CLGN: variants seen among roughly 807,000 people sequenced by gnomAD.
CLGN encodes the protein testis tissue sperm-binding protein Li 79P.
CLGN carries 62 observed loss-of-function variants against 79.1 expected under a neutral mutation model. The observed-to-expected ratio is 0.78, with a 90% CI of 0.64 to 0.97. CLGN has a LOEUF of 0.97. CLGN is among the 50% of genes least tolerant of loss of function. The pLI is 0.00. For synonymous variants in CLGN, 225 were observed against 224.7 expected (o/e 1.00, Z -0.01); for missense variants, 647 against 715.5 (o/e 0.90, Z 1.09).
intron 5 of CLGN, among the ~76,000 whole-genome samples, chr4:140,405,183 T>TTTTTTA (rs1729079102): frequency 1.1e-5 from 1 of 91,490 alleles, no homozygotes; most frequent in Non-Finnish European, 2.9e-5. Flanking sequence ...ATTTTTATTT[T>TTTTTTA]TTTTTTTATT....
At chr4:140,392,506 T>G in intron 12 of CLGN, 80 bp downstream of exon 12, 1 of 1,505,290 alleles carries the variant, frequency 6.6e-7, no homozygotes, top group Non-Finnish European at 8.9e-7. Flanking sequence ...TTATTACTTT[T>G]AAGAATCGCT....
intron 4 of CLGN, among the ~76,000 whole-genome samples, chr4:140,408,832 T>C (rs989758598): frequency 2.0e-5 from 3 of 149,738 alleles, no homozygotes; most frequent in Non-Finnish European, 4.5e-5. Context: ...TCTGTGCATA[T>C]GGTGGTGTCC....
At chr4:140,422,858 CTGGCTACCT>C (rs1560749862) in intron 1 of CLGN, among the ~76,000 whole-genome samples, 1 of 152,142 alleles carries the variant, frequency 6.6e-6, no homozygotes, top group Non-Finnish European at 1.5e-5. Flanking sequence ...CTCAACTGAT[CTGGCTACCT>C]TGGCCTCCAA....
At chr4:140,400,244 G>C (rs1728972666) in intron 7 of CLGN, 113 bp downstream of exon 7, 2 of 699,780 alleles carry the variant, frequency 2.9e-6, no homozygotes, top group Non-Finnish European at 4.8e-6. Flanking sequence ...TTCTGAAAAA[G>C]ATAAGCTCCT....
chr4:140,405,431 G>T (rs917459019), intron 5 of CLGN, among the ~76,000 whole-genome samples: 13 of 150,866 alleles, frequency 8.6e-5, no homozygotes, highest in African/African-American at 2.9e-4. Context: ...TGATCTGCCC[G>T]CCTCGGCCTC....
chr4:140,413,100 A>T lies in CLGN; in HGVS notation c.-9-13T>A, dbSNP rs781590185. 1.9e-6 allele frequency: 3 copies of T among 1,596,544 alleles called. No homozygotes were observed. Among genetic ancestry groups the T allele is most frequent in the Non-Finnish European group, 2.6e-6 (3 of 1,172,986 alleles). The stretch of plus-strand genomic sequence containing the variant: ...GCATATTGATTATCTGTGAAATTAA[A>T]AGTAATTAGTGAAAATAAAACAAAA... On this transcript the variant is annotated splice_polypyrimidine_tract_variant and intron_variant, in intron 1 of 14. Transcript: ENST00000325617.
intron 5 of CLGN, among the ~76,000 whole-genome samples, chr4:140,405,681 T>A (rs1428637063): frequency 6.6e-6 from 1 of 152,204 alleles, no homozygotes; most frequent in Non-Finnish European, 1.5e-5. Flanking sequence ...ATAGCCCACA[T>A]ACAACTCCTT....
intron 1 of CLGN, among the ~76,000 whole-genome samples, chr4:140,415,335 A>G (rs1241964902): frequency 1.3e-5 from 2 of 150,904 alleles, no homozygotes; most frequent in African/African-American, 4.8e-5. Context: ...GACAGGATCA[A>G]ATTCACACAT....
At chr4:140,416,721 C>G (rs1254676918) in intron 1 of CLGN, among the ~76,000 whole-genome samples, 2 of 151,886 alleles carry the variant, frequency 1.3e-5, no homozygotes, top group African/African-American at 4.8e-5. Flanking sequence ...GCTTACCAAC[C>G]AAAAAGAGTC....
chr4:140,391,980 C>T (rs1238301234), intron 13 of CLGN, among the ~76,000 whole-genome samples: 4 of 151,872 alleles, frequency 2.6e-5, no homozygotes, highest in African/African-American at 7.2e-5. Context: ...TCATTAACTG[C>T]TAGGCTCTCA....
chr4:140,404,955 G>A (rs1729072125), intron 5 of CLGN, among the ~76,000 whole-genome samples: 1 of 151,984 alleles, frequency 6.6e-6, no homozygotes, highest in Non-Finnish European at 1.5e-5. Context: ...GAGGCACCAT[G>A]CCAGGCATGG....
chr4:140,389,095 G>T lies in CLGN; in HGVS notation c.*129C>A. On this transcript the variant is annotated 3_prime_UTR_variant, in exon 15 of 15. Transcript: ENST00000325617. ...TCTGAAATGAAGGACTAAAATAAATGTCTGAAAGAATATAATGTTGCTAGA... is the reference window on the plus strand; with the variant it reads ...TCTGAAATGAAGGACTAAAATAAATTTCTGAAAGAATATAATGTTGCTAGA... 1 of 676,686 alleles carries T rather than the reference G, an allele frequency of 1.5e-6. No individual in the cohort carries two copies. The highest frequency in any genetic ancestry group is 2.1e-5 in the South Asian group (1 of 48,510). 41.9% of individuals were successfully genotyped at this position (676,686 alleles called of 1,614,324 possible).
chr4:140,392,324 T>C lies in CLGN; in HGVS notation c.1546A>G (p.Lys516Glu), dbSNP rs1728789224. Residue 516 changes from lysine to glutamate, a missense_variant, in exon 13 of 15, where the codon AAA becomes GAA. Coordinates refer to ENST00000325617, the MANE Select transcript of CLGN (RefSeq NM_004362.3). ...TTTTCTTCTTGCTCTAGTACTCCTTTTGTTTGTGGTATACATATGTCGGTT... is the reference window on the plus strand; with the variant it reads ...TTTTCTTCTTGCTCTAGTACTCCTTCTGTTTGTGGTATACATATGTCGGTT... ...KKTDICIPQTKGVLEQEEKEE... is the reference protein window; with the variant it reads ...KKTDICIPQTEGVLEQEEKEE... 1 of 1,613,230 alleles carries C rather than the reference T, an allele frequency of 6.2e-7. No individual in the cohort carries two copies. Among genetic ancestry groups the C allele is most frequent in the Non-Finnish European group, 8.5e-7 (1 of 1,179,498 alleles).
rs1336659683 is a variant in CLGN, at chr4:140,395,879, T to G, written c.1089A>C (p.Ile363=). ...ATACTCCTTTGTATTTTGGGTTATC[T>G]ATCATGGGAGGTTTCCACTCACCAC... The part of the protein sequence containing the change: ...IGCGEWKPPM[I]DNPKYKGVWR... The change falls in exon 10 of 15, where the codon ATA becomes ATC. Residue 363 remains isoleucine (I), a synonymous_variant. Transcript: ENST00000325617. 3 of 1,595,768 alleles carry G rather than the reference T, an allele frequency of 1.9e-6. No homozygotes were observed. The highest frequency in any genetic ancestry group is 1.7e-6 in the Non-Finnish European group (2 of 1,174,164).
At chr4:140,390,517 A>T (rs1008381441) in intron 14 of CLGN, 111 bp downstream of exon 14, 4 of 594,812 alleles carry the variant, frequency 6.7e-6, no homozygotes, top group Non-Finnish European at 1.1e-5. Context: ...GCTCTTATAA[A>T]AGCTGAGAGA....
At chr4:140,396,874 CATATATATAT>C (rs759900454) in intron 8 of CLGN, among the ~76,000 whole-genome samples, 2 of 109,540 alleles carry the variant, frequency 1.8e-5, no homozygotes, top group Non-Finnish European at 3.5e-5. Context: ...TATATATATA[CATATATATAT>C]ATATATGTAT....
intron 6 of CLGN, among the ~76,000 whole-genome samples, chr4:140,401,440 T>C (rs941926563): frequency 2.0e-5 from 3 of 152,198 alleles, no homozygotes; most frequent in Non-Finnish European, 2.9e-5. Context: ...ATCTATCGTA[T>C]TTCTGTTATA....
At position 140,393,932 on chromosome 4, in the gene CLGN, G is replaced by C; in HGVS notation, c.1259C>G (p.Ser420Cys). The change falls in exon 11 of 15, where the codon TCT (serine) becomes TGT (cysteine). Residue 420 changes from serine to cysteine, a missense_variant. Transcript: ENST00000325617. The part of the protein sequence containing the change: ...ALGLELWSMT[S>C]DIYFDNFIIC... ...AATAAAATTATCAAAGTAGATATCA[G>C]AGGTCATAGACCAAAGCTCTAAACC... 6.2e-7 allele frequency: 1 copy of C among 1,613,678 alleles called. No homozygotes were observed. Among genetic ancestry groups the C allele is most frequent in the South Asian group, 1.1e-5 (1 of 91,068 alleles).
intron 8 of CLGN, among the ~76,000 whole-genome samples, chr4:140,397,433 G>A (rs968919669): frequency 6.7e-6 from 1 of 149,220 alleles, no homozygotes; most frequent in Non-Finnish European, 1.5e-5. Flanking sequence ...TGGTTCTTGT[G>A]TGTTTTTTGA....
Sources: allele counts gnomAD v4.1 joint callset (sites outside exome capture counted in the v4.1 genomes callset), GRCh38; gene constraint gnomAD v4.1.1; transcripts MANE v1.5; gene names NCBI Gene and HGNC (gene_info 2026-07-23, HGNC 2026-07-21).